GPR107: variants seen among roughly 807,000 people sequenced by gnomAD.
The protein encoded by GPR107 is G protein-coupled receptor 107, also known as protein GPR107.
In GPR107, 31 loss-of-function variants were observed where a neutral mutation model predicts 75.5. The observed-to-expected ratio is 0.41, with a 90% CI of 0.31 to 0.55. GPR107 has a LOEUF of 0.55. Ranked by LOEUF, GPR107 falls within the 20% of genes least tolerant of loss-of-function variation. The probability of loss-of-function intolerance (pLI) is 0.26; values close to 1 mark genes in which losing one functional copy is unlikely to be tolerated. For missense variants in GPR107, 572 were observed against 665.7 expected (o/e 0.86, Z 1.55); for synonymous variants, 267 against 251.3 (o/e 1.06, Z -0.59).
intron 1 of GPR107, among the ~76,000 whole-genome samples, chr9:130,070,717 T>C (rs1190788117): frequency 6.6e-6 from 1 of 152,186 alleles, no homozygotes; most frequent in African/African-American, 2.4e-5. Context: ...ACAATTTTTT[T>C]TTCTTTTTTT....
At chr9:130,120,603 G>T (rs1831524724) in intron 14 of GPR107, among the ~76,000 whole-genome samples, 2 of 152,162 alleles carry the variant, frequency 1.3e-5, no homozygotes, top group Admixed American at 6.6e-5. Flanking sequence ...ACTGAGGTGG[G>T]ATCAGCCTGC....
Position 130,103,604 on chromosome 9 carries a change from A to G in GPR107, c.1132-816A>G, listed in dbSNP as rs1215944254. ...TGAGTATATGAGGCTGTAGGGCTGGAATCAGCCATGCTCACCCTCTGGTCT... is the reference window on the plus strand; with the variant it reads ...TGAGTATATGAGGCTGTAGGGCTGGGATCAGCCATGCTCACCCTCTGGTCT... On this transcript the variant is annotated intron_variant, in intron 12 of 17. Coordinates refer to ENST00000347136, the MANE Select transcript of GPR107 (RefSeq NM_020960.5). The surrounding 1 kb of genome is among the most constrained non-coding windows in gnomAD (Gnocchi z 4.3). Among the ~76,000 whole-genome samples, 1 of 152,218 alleles carries G rather than the reference A, an allele frequency of 6.6e-6. No homozygotes were observed. Among genetic ancestry groups the G allele is most frequent in the African/African-American group, 2.4e-5 (1 of 41,452 alleles).
intron 10 of GPR107, among the ~76,000 whole-genome samples, 167 bp from the exon 11 acceptor site, chr9:130,100,462 T>C (rs1324468496): frequency 2.0e-5 from 3 of 152,248 alleles, no homozygotes; most frequent in African/African-American, 7.2e-5. Context: ...ATGTACTCTT[T>C]GCTGTACTTG....
chr9:130,104,033 C>G (rs541072389), intron 12 of GPR107, among the ~76,000 whole-genome samples: 2 of 152,224 alleles, frequency 1.3e-5, no homozygotes, highest in South Asian at 4.1e-4. Context: ...CTGGGACAGC[C>G]GGGGCTCCTG....
Position 130,124,959 on chromosome 9 carries a change from G to T in GPR107, c.1351G>T (p.Val451Phe), listed in dbSNP as rs372245113. Residue 451 changes from valine (V) to phenylalanine (F), a missense_variant, in exon 15 of 18, where the codon GTC becomes TTC. Transcript: ENST00000347136. The part of the protein sequence containing the change: ...AKLKLFRHYY[V>F]LIVCYIYFTR... Reference sequence around the variant, plus strand: ...GCTGAAACTTTTCAGACATTATTACGTCTTGGTAAGTAAAAAAAAAAAAAA... The same window carrying T: ...GCTGAAACTTTTCAGACATTATTACTTCTTGGTAAGTAAAAAAAAAAAAAA... The T allele has an allele frequency of 2.2e-5, 30 of 1,369,250 alleles. No homozygotes were observed. In the African/African-American group the frequency reaches 6.2e-4, roughly 28 times the overall value. The allele number at this position is 1,369,250 out of a possible 1,614,324, so 84.8% of individuals were successfully genotyped here.
At chr9:130,133,210 G>A (rs531475616) in intron 17 of GPR107, 1 of 152,318 alleles carries the variant, frequency 6.6e-6, no homozygotes, top group South Asian at 2.1e-4. Flanking sequence ...GGCCTGTCTT[G>A]AAGAATAAAA....
Position 130,092,371 on chromosome 9 carries a change from C to A in GPR107, c.853C>A (p.Arg285=). 5 of 1,611,688 alleles carry A rather than the reference C, an allele frequency of 3.1e-6. No homozygotes were observed. The highest frequency in any genetic ancestry group is 4.2e-6 in the Non-Finnish European group (5 of 1,177,814). ...LSGTIWIHIL[R]KRRNDVFKIH... ...TGGGACCATCTGGATTCATATCCTT[C>A]GAAAACGACGGTAAACTATTTCTCC... Residue 285 remains arginine, a synonymous_variant, in exon 9 of 18, where the codon CGA becomes AGA. Coordinates refer to ENST00000347136, the MANE Select transcript of GPR107 (RefSeq NM_020960.5).
intron 7 of GPR107, among the ~76,000 whole-genome samples, chr9:130,089,785 G>A (rs1289164312): frequency 6.6e-6 from 1 of 152,156 alleles, no homozygotes; most frequent in Non-Finnish European, 1.5e-5. Context: ...TCACCATTGA[G>A]TTTGGCACAT....
chr9:130,113,187 GA>G (rs1404364123), intron 14 of GPR107, among the ~76,000 whole-genome samples: 1 of 149,854 alleles, frequency 6.7e-6, no homozygotes, highest in Non-Finnish European at 1.5e-5. Context: ...AGTGATAAAA[GA>G]AAACTTGTGT....
At chr9:130,101,254 C>G in intron 12 of GPR107, 31 bp downstream of exon 12, 1 of 1,169,120 alleles carries the variant, frequency 8.6e-7, no homozygotes, top group Non-Finnish European at 1.3e-6. Flanking sequence ...TTTGTCACTT[C>G]CTTTCTTGGC....
At chr9:130,109,536 A>G (rs11794243) in intron 14 of GPR107, among the ~76,000 whole-genome samples, 47,560 of 148,396 alleles carry the variant, frequency 0.32, 7,733 homozygotes, top group Non-Finnish European at 0.38. Context: ...GTTTTATTAT[A>G]TTTGTAACTT....
At chr9:130,057,075 C>T (rs1374770663) in intron 1 of GPR107, among the ~76,000 whole-genome samples, 2 of 151,842 alleles carry the variant, frequency 1.3e-5, no homozygotes, top group East Asian at 3.9e-4. Flanking sequence ...CCTGTCAGAG[C>T]AGCAACTTTA....
intron 14 of GPR107, among the ~76,000 whole-genome samples, chr9:130,120,083 T>C (rs1831514966): frequency 6.6e-6 from 1 of 152,206 alleles, no homozygotes; most frequent in African/African-American, 2.4e-5. Context: ...ACTGGGATTA[T>C]AGGCATGAGC....
At chr9:130,089,896 A>G (rs978819619) in intron 7 of GPR107, among the ~76,000 whole-genome samples, 1 of 152,150 alleles carries the variant, frequency 6.6e-6, no homozygotes, top group African/African-American at 2.4e-5. Context: ...TGTGAGGTAC[A>G]GTATACATGC....
At position 130,135,171 on chromosome 9, in the gene GPR107, C is replaced by T. The variant is rs896865250; in HGVS notation, c.*50C>T. The T allele has an allele frequency of 6.1e-6, 6 of 990,924 alleles. No homozygotes were observed. The highest frequency in any genetic ancestry group is 9.2e-6 in the Non-Finnish European group (6 of 654,478). The allele number at this position is 990,924 out of a possible 1,614,324, so 61.4% of individuals were successfully genotyped here. A position where few individuals can be genotyped will look rare whatever the true frequency, so the allele number is the denominator to read the frequency against. Reference sequence around the variant, plus strand: ...TGTCCAAGGAAACTGTTAACTTATTCATAGTCCTATTGGACAGCAGGAGCA... The same window carrying T: ...TGTCCAAGGAAACTGTTAACTTATTTATAGTCCTATTGGACAGCAGGAGCA... On this transcript the variant is annotated 3_prime_UTR_variant, in exon 18 of 18. Transcript: ENST00000347136.
At chr9:130,068,400 G>A (rs537094944) in intron 1 of GPR107, among the ~76,000 whole-genome samples, 2 of 148,844 alleles carry the variant, frequency 1.3e-5, no homozygotes, top group South Asian at 2.2e-4. Context: ...ATGTTTTTAC[G>A]CGGAATTCAT....
chr9:130,059,541 T>G (rs7858177), intron 1 of GPR107, among the ~76,000 whole-genome samples: 89,397 of 151,958 alleles, frequency 0.59, 26,355 homozygotes, highest in East Asian at 0.81. Context: ...ATTTCATTCT[T>G]AAATATTTTG....
intron 7 of GPR107, 96 bp from the exon 8 acceptor site, chr9:130,090,780 A>G: frequency 1.8e-6 from 1 of 550,410 alleles, no homozygotes; most frequent in Non-Finnish European, 3.2e-6. Context: ...GAATTTGAAC[A>G]AAAAAGTAAA....
chr9:130,134,816 G>T (rs1175148047), intron 17 of GPR107, among the ~76,000 whole-genome samples: 1 of 152,218 alleles, frequency 6.6e-6, no homozygotes, highest in Non-Finnish European at 1.5e-5. Flanking sequence ...GACAGTTCTG[G>T]AAAGTGAGAA....
Sources: allele counts gnomAD v4.1 joint callset (sites outside exome capture counted in the v4.1 genomes callset), GRCh38; gene constraint gnomAD v4.1.1; non-coding constraint Gnocchi (gnomAD v3.1); transcripts MANE v1.5; gene names NCBI Gene and HGNC (gene_info 2026-07-23, HGNC 2026-07-21).